Variants in URB1 observed in about 807,000 individuals in gnomAD.
URB1 encodes the protein URB1 ribosome biogenesis factor.
URB1 carries 197 observed loss-of-function variants against 242.3 expected under a neutral mutation model. That is an observed-to-expected ratio of 0.81 (90% CI 0.72 to 0.91). The LOEUF (loss-of-function observed/expected upper bound fraction) is 0.91, where lower values mean the gene tolerates loss of function less well. URB1 is among the 40% of genes least tolerant of loss of function. The probability of loss-of-function intolerance (pLI) is 0.00; values close to 1 mark genes in which losing one functional copy is unlikely to be tolerated. For missense variants in URB1, 2,721 were observed against 2,860.5 expected (o/e 0.95, Z 1.11); for synonymous variants, 1,153 against 1,201.8 (o/e 0.96, Z 0.84).
chr21:32,324,705 C>T, intron 31 of URB1, 103 bp from the exon 32 acceptor site: 1 of 795,078 alleles, frequency 1.3e-6, no homozygotes. Flanking sequence ...GGTGTGCCTG[C>T]TTCTCATATC....
chr21:32,392,458 T>G (rs2033650437), intron 1 of URB1, among the ~76,000 whole-genome samples: 1 of 152,188 alleles, frequency 6.6e-6, no homozygotes, highest in Admixed American at 6.5e-5. Flanking sequence ...GAAGGACACT[T>G]CATTTACTTC....
rs144291646 is a variant in URB1, at chr21:32,325,252, C to A, written c.5098G>T (p.Ala1700Ser). ...LAAYYSHLEG[A>S]RFQEQSQLLY... The stretch of plus-strand genomic sequence containing the variant: ...ACCTGGGACTGCTCTTGGAACCGTG[C>A]GCCCTCCAAGTGCGAGTAGTAGGCC... Residue 1700 changes from alanine (A) to serine (S), a missense_variant, in exon 31 of 39, where the codon GCA becomes TCA. By Grantham distance (99) the Ala-to-Ser change is moderately conservative. Coordinates refer to ENST00000382751, the MANE Select transcript of URB1 (RefSeq NM_014825.3). The A allele has an allele frequency of 3.2e-6, 5 of 1,551,310 alleles. No homozygotes were observed. The highest frequency in any genetic ancestry group is 4.4e-6 in the Non-Finnish European group (5 of 1,146,838).
At chr21:32,384,736 C>T (rs2033563256) in intron 2 of URB1, among the ~76,000 whole-genome samples, 1 of 152,104 alleles carries the variant, frequency 6.6e-6, no homozygotes, top group Admixed American at 6.5e-5. Flanking sequence ...AATCCCAGCA[C>T]TTTGGGAGGC....
intron 6 of URB1, among the ~76,000 whole-genome samples, chr21:32,374,565 A>G (rs1477718074): frequency 6.6e-6 from 1 of 152,186 alleles, no homozygotes; most frequent in African/African-American, 2.4e-5. Context: ...ACTGAACACC[A>G]TTGTTTTTAA....
Position 32,347,825 on chromosome 21 carries a change from AC to A in URB1, c.3013-15del, listed in dbSNP as rs774701812. 633 of 1,531,350 alleles carry A rather than the reference AC, an allele frequency of 4.1e-4. No homozygotes were observed. Among genetic ancestry groups the A allele is most frequent in the Non-Finnish European group, 5.2e-4 (593 of 1,142,124 alleles). The allele number at this position is 1,531,350 out of a possible 1,614,324, so 94.9% of individuals were successfully genotyped here. A position where few individuals can be genotyped will look rare whatever the true frequency, so the allele number is the denominator to read the frequency against. ...CTCCTCCAGCGTCTGAAAGGCAGTG[AC>A]GAGGCACAGACGTCACATAGAGCAC... is the stretch of plus-strand genomic sequence containing the variant. On this transcript the variant is annotated splice_polypyrimidine_tract_variant and intron_variant, in intron 21 of 38. Coordinates refer to ENST00000382751, the MANE Select transcript of URB1 (RefSeq NM_014825.3).
chr21:32,359,289 G>C (rs1354939287), intron 14 of URB1, among the ~76,000 whole-genome samples: 1 of 152,110 alleles, frequency 6.6e-6, no homozygotes, highest in Admixed American at 6.5e-5. Flanking sequence ...GTGGCATCCT[G>C]AGCTTCCCTT....
intron 10 of URB1, among the ~76,000 whole-genome samples, chr21:32,364,347 C>G (rs1270734926): frequency 6.6e-6 from 1 of 152,178 alleles, no homozygotes; most frequent in Admixed American, 6.5e-5. Flanking sequence ...CCACACAACT[C>G]AAGCAGAATC....
In URB1 at chr21:32,312,185, C is replaced by T; in HGVS notation, c.*2733G>A. The T allele has an allele frequency of 6.7e-7, 1 of 1,499,242 alleles. No homozygotes were observed. The highest frequency in any genetic ancestry group is 8.9e-7 in the Non-Finnish European group (1 of 1,127,214). The allele number at this position is 1,499,242 out of a possible 1,614,324, so 92.9% of individuals were successfully genotyped here. On this transcript the variant is annotated 3_prime_UTR_variant, in exon 39 of 39. Coordinates refer to ENST00000382751, the MANE Select transcript of URB1 (RefSeq NM_014825.3). Reference sequence around the variant, plus strand: ...GTGGCCCCTCGAGTGCAGAGGTCATCCCAGGTGTTGCTGAGTTTATTGAGC... The same window carrying T: ...GTGGCCCCTCGAGTGCAGAGGTCATTCCAGGTGTTGCTGAGTTTATTGAGC...
In URB1 at chr21:32,314,657, G is replaced by C. The variant is rs771307206; in HGVS notation, c.*261C>G. The C allele has an allele frequency of 1.2e-6, 2 of 1,613,472 alleles. No homozygotes were observed. Among genetic ancestry groups the C allele is most frequent in the Admixed American group, 1.7e-5 (1 of 60,026 alleles). On this transcript the variant is annotated 3_prime_UTR_variant, in exon 39 of 39. Transcript: ENST00000382751. ...TAGAGAGGAAGGGGCGGCCTGACGA[G>C]GCACTGGATGGGCCTCATGGCCTAG... is the stretch of plus-strand genomic sequence containing the variant.
rs1036767074 is a variant in URB1, at chr21:32,347,826, C to T, written c.3013-15G>A. ...TCCTCCAGCGTCTGAAAGGCAGTGACGAGGCACAGACGTCACATAGAGCAC... is the reference window on the plus strand; with the variant it reads ...TCCTCCAGCGTCTGAAAGGCAGTGATGAGGCACAGACGTCACATAGAGCAC... On this transcript the variant is annotated splice_polypyrimidine_tract_variant and intron_variant, in intron 21 of 38. Coordinates refer to ENST00000382751, the MANE Select transcript of URB1 (RefSeq NM_014825.3). 1.7e-5 allele frequency: 26 copies of T among 1,530,610 alleles called. No individual in the cohort carries two copies. Among genetic ancestry groups the T allele is most frequent in the South Asian group, 3.7e-5 (3 of 81,972 alleles). 94.8% of individuals were successfully genotyped at this position (1,530,610 alleles called of 1,614,324 possible).
chr21:32,337,040 G>A (rs2032967307), intron 28 of URB1, 54 bp downstream of exon 28: 1 of 1,489,100 alleles, frequency 6.7e-7, no homozygotes. Context: ...AGCTCACTGT[G>A]TGGAGAGCAG....
chr21:32,381,346 T>C (rs1403713371), intron 4 of URB1, among the ~76,000 whole-genome samples: 1 of 152,086 alleles, frequency 6.6e-6, no homozygotes, highest in Non-Finnish European at 1.5e-5. Context: ...ATGCTTTCTT[T>C]GGCTGGATGA....
chr21:32,344,694 C>CA lies in URB1; in HGVS notation c.4132dup (p.Trp1378LeufsTer24). 6.4e-7 allele frequency: 1 copy of CA among 1,552,278 alleles called. No individual in the cohort carries two copies. Among genetic ancestry groups the CA allele is most frequent in the Non-Finnish European group, 8.7e-7 (1 of 1,147,152 alleles). ...ACAGGACTCCAAAAGGGTCCTTCTC[C>CA]AGGCACACAGCTCTTCTGCTGACCC... On this transcript the variant is annotated frameshift_variant, in exon 24 of 39. Transcript: ENST00000382751. LOFTEE classifies it high-confidence loss of function.
intron 10 of URB1, among the ~76,000 whole-genome samples, chr21:32,364,956 T>G (rs1424357649): frequency 6.6e-6 from 1 of 152,228 alleles, no homozygotes. Flanking sequence ...GGCATGGCAA[T>G]AGCCAACAGC....
At chr21:32,325,554 C>CA (rs915574406) in intron 30 of URB1, among the ~76,000 whole-genome samples, 165 bp from the exon 31 acceptor site, 14 of 152,234 alleles carry the variant, frequency 9.2e-5, no homozygotes, top group African/African-American at 3.1e-4. Context: ...TGAAGTTAGA[C>CA]AAAAAAACCT....
intron 15 of URB1, 77 bp downstream of exon 15, chr21:32,357,460 T>G: frequency 7.7e-7 from 1 of 1,304,848 alleles, no homozygotes; most frequent in Non-Finnish European, 9.8e-7. Context: ...ATTCAATAAC[T>G]GTTAACTAAA....
chr21:32,350,944 C>T (rs1276909315), intron 19 of URB1, 22 bp from the exon 20 acceptor site: 22 of 1,535,530 alleles, frequency 1.4e-5, no homozygotes, highest in Middle Eastern at 2.2e-4. Context: ...AGCAAAAGGC[C>T]GGGGAAGAGA....
chr21:32,344,773 G>A lies in URB1; in HGVS notation c.4071-17C>T. On this transcript the variant is annotated splice_polypyrimidine_tract_variant and intron_variant, in intron 23 of 38. Transcript: ENST00000382751. ...ACGATCCACCTGCAGCAGGAGATGA[G>A]AGTCAGAGACAGAGAGCAGGTTTAA... is the stretch of plus-strand genomic sequence containing the variant. The A allele has an allele frequency of 6.5e-7, 1 of 1,547,834 alleles. No homozygotes were observed. The highest frequency in any genetic ancestry group is 8.7e-7 in the Non-Finnish European group (1 of 1,145,756).
chr21:32,374,809 C>T (rs2033441853), intron 6 of URB1, among the ~76,000 whole-genome samples: 1 of 152,112 alleles, frequency 6.6e-6, no homozygotes, highest in African/African-American at 2.4e-5. Context: ...ACAAATGTCC[C>T]GTAGAAGGCA....
Sources: allele counts gnomAD v4.1 joint callset (sites outside exome capture counted in the v4.1 genomes callset), GRCh38; gene constraint gnomAD v4.1.1; transcripts MANE v1.5; gene names NCBI Gene and HGNC (gene_info 2026-07-23, HGNC 2026-07-21).